PLAA: variants seen among roughly 807,000 people sequenced by gnomAD.
PLAA encodes the protein phospholipase A-2-activating protein.
Under a neutral mutation model 84.1 loss-of-function variants are expected in PLAA, and 48 were observed. The observed-to-expected ratio is 0.57, with a 90% CI of 0.45 to 0.73. The LOEUF (loss-of-function observed/expected upper bound fraction) is 0.73. Among genes scored for constraint, PLAA ranks in the 30% least tolerant of loss-of-function variants. The pLI is 0.00. For missense variants in PLAA, 903 were observed against 954.7 expected (o/e 0.95, Z 0.71); for synonymous variants, 392 against 336.6 (o/e 1.16, Z -1.80).
Position 26,928,374 on chromosome 9 carries a change from T to C in PLAA, c.378A>G (p.Leu126=), listed in dbSNP as rs1348428177. The C allele has an allele frequency of 1.2e-6, 2 of 1,613,800 alleles. No individual in the cohort carries two copies. The highest frequency in any genetic ancestry group is 2.2e-5 in the South Asian group (2 of 91,082). Residue 126 remains leucine, a synonymous_variant, in exon 3 of 14, where the codon TTA becomes TTG. Transcript: ENST00000397292. ...CAGTGGTGTCCCATGAACCACTAAG[T>C]AATGTCCCAAATTTTCCAGATGATA... ...CSLSSGKFGT[L]LSGSWDTTAK...
At chr9:26,929,838 T>C (rs563175938) in intron 2 of PLAA, among the ~76,000 whole-genome samples, 81 of 152,280 alleles carry the variant, frequency 5.3e-4, no homozygotes, top group Non-Finnish European at 8.1e-4. Context: ...TTTGGATTGT[T>C]TGATGAAGCT....
At chr9:26,936,120 G>T (rs1239325126) in intron 1 of PLAA, among the ~76,000 whole-genome samples, 4 of 152,054 alleles carry the variant, frequency 2.6e-5, no homozygotes, top group Non-Finnish European at 4.4e-5. Flanking sequence ...TGTACATAAA[G>T]AGGTAAGACT....
intron 1 of PLAA, among the ~76,000 whole-genome samples, chr9:26,938,605 C>T (rs1825432943): frequency 6.7e-6 from 1 of 149,980 alleles, no homozygotes. Flanking sequence ...GCCATGAGAC[C>T]TCCCTGTAAG....
chr9:26,928,189 A>G lies in PLAA; in HGVS notation c.476T>C (p.Ile159Thr). The change falls in exon 4 of 14, where the codon ATC becomes ACC. Residue 159 changes from isoleucine to threonine, a missense_variant. Physicochemically the swap from Ile to Thr is moderately conservative, Grantham distance 89. Transcript: ENST00000397292. ...CAACATTAAGCCCTGTTCAGGTAAG[A>G]TCTTTACCGCCCACACTGCAGCTGT... The part of the protein sequence containing the change: ...GHTAAVWAVK[I>T]LPEQGLMLTG... The G allele has an allele frequency of 6.2e-7, 1 of 1,614,150 alleles. No individual in the cohort carries two copies. The highest frequency in any genetic ancestry group is 8.5e-7 in the Non-Finnish European group (1 of 1,180,014).
rs1176835674 is a variant in PLAA at position 26,915,995 on chromosome 9, A to G, written c.1486+1102T>C. On this transcript the variant is annotated intron_variant, in intron 10 of 13. Coordinates refer to ENST00000397292, the MANE Select transcript of PLAA (RefSeq NM_001031689.3). Reference sequence around the variant, plus strand: ...TTGAAATCACATTATGTTATCAAAGACTTCCTTAACAGCCACTGTGCCATA... The same window carrying G: ...TTGAAATCACATTATGTTATCAAAGGCTTCCTTAACAGCCACTGTGCCATA... The G allele has an allele frequency of 8.1e-6, 8 of 985,364 alleles. 1 individual carries two copies. In the East Asian group the frequency reaches 9.1e-4, roughly 112 times the overall value. The allele number at this position is 985,364 out of a possible 1,614,324, so 61.0% of individuals were successfully genotyped here. A position where few individuals can be genotyped will look rare whatever the true frequency, so the allele number is the denominator to read the frequency against.
intron 11 of PLAA, among the ~76,000 whole-genome samples, chr9:26,912,832 C>G (rs557078288): frequency 6.6e-6 from 1 of 152,260 alleles, no homozygotes; most frequent in South Asian, 2.1e-4. Flanking sequence ...AATTTAGATT[C>G]TCACTCCAGA....
intron 13 of PLAA, 134 bp from the exon 14 acceptor site, chr9:26,906,210 T>A: frequency 1.9e-6 from 1 of 532,956 alleles, no homozygotes; most frequent in Non-Finnish European, 3.1e-6. Context: ...GTGTCTGCTT[T>A]AAAAAAAATG....
chr9:26,930,106 A>ATT (rs746808419), intron 2 of PLAA, among the ~76,000 whole-genome samples: 5 of 140,154 alleles, frequency 3.6e-5, no homozygotes, highest in Admixed American at 7.2e-5. Flanking sequence ...TATTATTATT[A>ATT]TTTTTTTTTT....
At chr9:26,919,831 G>A (rs1022400459) in intron 8 of PLAA, among the ~76,000 whole-genome samples, 2 of 152,272 alleles carry the variant, frequency 1.3e-5, no homozygotes, top group Admixed American at 1.3e-4. Flanking sequence ...AAAATTATCA[G>A]CTGTTACTGT....
chr9:26,915,010 C>T (rs920670603), intron 10 of PLAA, among the ~76,000 whole-genome samples: 3 of 151,836 alleles, frequency 2.0e-5, no homozygotes, highest in African/African-American at 7.3e-5. Flanking sequence ...GTCAGGAGTT[C>T]GAGACCAGCC....
chr9:26,941,978 T>C (rs889343138), intron 1 of PLAA, among the ~76,000 whole-genome samples: 4 of 151,238 alleles, frequency 2.6e-5, no homozygotes, highest in Admixed American at 6.6e-5. Context: ...AAAAAAAAAA[T>C]AGTTCAAAAA....
At chr9:26,926,646 T>G in intron 4 of PLAA, 86 bp from the exon 5 acceptor site, 1 of 882,528 alleles carries the variant, frequency 1.1e-6, no homozygotes, top group South Asian at 2.5e-5. Flanking sequence ...ATAAAACATA[T>G]CAGTGAGTAG....
In PLAA at chr9:26,923,257, T is replaced by C. The variant is rs143429714; in HGVS notation, c.960A>G (p.Ala320=). Residue 320 remains alanine, a synonymous_variant, in exon 7 of 14, where the codon GCA becomes GCG. Transcript: ENST00000397292. ...IKAFEKELSH[A]TIDSKTGDLG... ...AATCGCCAGTTTTAGAATCAATGGT[T>C]GCGTGAGACAGTTCTTTTTCAAAAG... 3 of 1,613,826 alleles carry C rather than the reference T, an allele frequency of 1.9e-6. No homozygotes were observed. In the African/African-American group the frequency reaches 4.0e-5, roughly 22 times the overall value.
intron 1 of PLAA, among the ~76,000 whole-genome samples, chr9:26,945,185 A>G (rs1433304809): frequency 6.6e-6 from 1 of 152,224 alleles, no homozygotes; most frequent in African/African-American, 2.4e-5. Context: ...ATAGAGAATC[A>G]GTTCAGCCCA....
chr9:26,946,941 C>A lies in PLAA; in HGVS notation c.105G>T (p.Val35=). 1 of 1,586,290 alleles carries A rather than the reference C, an allele frequency of 6.3e-7. No individual in the cohort carries two copies. Among genetic ancestry groups the A allele is most frequent in the Non-Finnish European group, 8.6e-7 (1 of 1,165,974 alleles). The change falls in exon 1 of 14, where the codon GTG becomes GTT. Residue 35 remains valine (V), a synonymous_variant. Transcript: ENST00000397292. ...GGGTGGTGCGGTCTCGGGACACGGA[C>A]ACAAAGGCTCCCGGCGGATAGGCGC... is the stretch of plus-strand genomic sequence containing the variant. ...VCCAYPPGAF[V]SVSRDRTTRL... is the part of the protein sequence containing the mutation.
rs184708007 is a variant in PLAA, at chr9:26,913,127, A to C, written c.1555+752T>G. On this transcript the variant is annotated intron_variant, in intron 11 of 13. Coordinates refer to ENST00000397292, the MANE Select transcript of PLAA (RefSeq NM_001031689.3). Reference sequence around the variant, plus strand: ...GGTAGGTTTATGGGTGTTTATTTTAATGCTGAATAACATATATGTTACTCA... The same window carrying C: ...GGTAGGTTTATGGGTGTTTATTTTACTGCTGAATAACATATATGTTACTCA... Among the ~76,000 whole-genome samples, 412 of 152,330 alleles carry C rather than the reference A, an allele frequency of 2.7e-3. 5 individuals carry two copies. Among genetic ancestry groups the C allele is most frequent in the Admixed American group, 0.023 (347 of 15,298 alleles).
At chr9:26,906,544 C>T (rs948933693) in intron 13 of PLAA, among the ~76,000 whole-genome samples, 9 of 150,658 alleles carry the variant, frequency 6.0e-5, no homozygotes, top group Non-Finnish European at 1.2e-4. Context: ...TCTCCTGTCT[C>T]AGCCTCCCAA....
At chr9:26,933,746 G>A (rs182718659) in intron 2 of PLAA, among the ~76,000 whole-genome samples, 5 of 134,886 alleles carry the variant, frequency 3.7e-5, no homozygotes, top group East Asian at 2.1e-4. Context: ...CCGAGATCAC[G>A]CCACTGCATT....
intron 1 of PLAA, among the ~76,000 whole-genome samples, chr9:26,939,851 A>G (rs1352767483): frequency 1.3e-5 from 2 of 152,212 alleles, no homozygotes; most frequent in African/African-American, 4.8e-5. Flanking sequence ...GGAAGAAGAT[A>G]TAACAATTAT....
Sources: gnomAD v4.1 joint callset for allele counts (sites outside exome capture counted in the v4.1 genomes callset) on GRCh38, gnomAD v4.1.1 for gene constraint, MANE v1.5 for transcripts, NCBI Gene and HGNC (gene_info 2026-07-23, HGNC 2026-07-21) for gene names.